Variants in SLC2A13 observed in about 807,000 individuals in gnomAD.
SLC2A13 encodes proton myo-inositol cotransporter.
In SLC2A13, 32 loss-of-function variants were observed where a neutral mutation model predicts 64.4. The observed-to-expected ratio is 0.50, with a 90% confidence interval of 0.37 to 0.67. The LOEUF (loss-of-function observed/expected upper bound fraction) is 0.67, where lower values mean the gene tolerates loss of function less well. SLC2A13 is among the 30% of genes least tolerant of loss of function. SLC2A13 has a pLI of 0.00. For missense variants in SLC2A13, 743 were observed against 829.2 expected (o/e 0.90, Z 1.28); for synonymous variants, 338 against 327.1 (o/e 1.03, Z -0.36).
chr12:39,917,163 C>T lies in SLC2A13; in HGVS notation c.1034+34094G>A, dbSNP rs557846240. 1.1e-4 allele frequency among the ~76,000 whole-genome samples: 17 copies of T among 152,114 alleles called. No individual in the cohort carries two copies. The South Asian group carries it at 2.9e-3, about 26-fold the overall frequency. On this transcript the variant is annotated intron_variant, in intron 4 of 9. Coordinates refer to ENST00000280871, the MANE Select transcript of SLC2A13 (RefSeq NM_052885.4). ...TAAAATTCAAATTTGATAAGGACTG[C>T]AGAGAAGCATTTGGAGCTTTGAGCA...
intron 6 of SLC2A13, among the ~76,000 whole-genome samples, chr12:39,848,689 G>A (rs191704526): frequency 3.3e-5 from 5 of 152,176 alleles, no homozygotes; most frequent in Non-Finnish European, 7.4e-5. Context: ...GCAGAGGAAT[G>A]TAAAGCATTC....
chr12:39,819,923 C>T (rs2135823616), intron 7 of SLC2A13: 1 of 152,634 alleles, frequency 6.6e-6, no homozygotes, highest in East Asian at 1.9e-4. Flanking sequence ...TGTCAAATTT[C>T]AATCCTATAA....
At chr12:40,069,925 T>C (rs1937888757) in intron 1 of SLC2A13, among the ~76,000 whole-genome samples, 1 of 152,176 alleles carries the variant, frequency 6.6e-6, no homozygotes. Flanking sequence ...CTATTTGTCA[T>C]TGTTACAAAA....
rs969126164 is a variant in SLC2A13, at chr12:39,906,881, T to C, written c.1035-34920A>G. On this transcript the variant is annotated intron_variant, in intron 4 of 9. Coordinates refer to ENST00000280871, the MANE Select transcript of SLC2A13 (RefSeq NM_052885.4). ...CAGGCAAAACAATTATGAGGGAAGA[T>C]AAAGTAAAAAAACTTTGTTTTGCAA... Among the ~76,000 whole-genome samples the C allele has an allele frequency of 4.6e-5, 7 of 152,168 alleles. No homozygotes were observed. The East Asian group carries it at 1.4e-3, about 29-fold the overall frequency.
At chr12:39,765,683 C>T (rs979601965) in intron 7 of SLC2A13, among the ~76,000 whole-genome samples, 1 of 152,038 alleles carries the variant, frequency 6.6e-6, no homozygotes, top group Admixed American at 6.6e-5. Context: ...CCTCTCATCC[C>T]CTGCCACATT....
chr12:40,036,426 G>A (rs368864226), intron 2 of SLC2A13, among the ~76,000 whole-genome samples: 23 of 152,166 alleles, frequency 1.5e-4, no homozygotes, highest in African/African-American at 5.5e-4. Flanking sequence ...AATCAAGAAA[G>A]AGAACATTTC....
chr12:40,081,790 T>C (rs1938411877), intron 1 of SLC2A13, among the ~76,000 whole-genome samples: 1 of 152,266 alleles, frequency 6.6e-6, no homozygotes, highest in Non-Finnish European at 1.5e-5. Context: ...ACTGGTTCTT[T>C]CTCATCTGTG....
At chr12:39,946,964 C>A (rs988920695) in intron 4 of SLC2A13, among the ~76,000 whole-genome samples, 1 of 152,166 alleles carries the variant, frequency 6.6e-6, no homozygotes, top group African/African-American at 2.4e-5. Context: ...TGGCCACTCT[C>A]CTGATGGATC....
At chr12:39,995,685 AC>A (rs1221429330) in intron 3 of SLC2A13, among the ~76,000 whole-genome samples, 1 of 152,160 alleles carries the variant, frequency 6.6e-6, no homozygotes, top group Non-Finnish European at 1.5e-5. Context: ...CTGTGTCCCC[AC>A]CCAAATCTCA....
chr12:40,041,530 T>TA (rs999256922), intron 2 of SLC2A13, among the ~76,000 whole-genome samples: 100 of 152,294 alleles, frequency 6.6e-4, no homozygotes, highest in African/African-American at 2.3e-3. Context: ...TTCAACAGAC[T>TA]AAAAAAAGTC....
chr12:40,090,310 A>T (rs939115133), intron 1 of SLC2A13, among the ~76,000 whole-genome samples: 2 of 152,194 alleles, frequency 1.3e-5, no homozygotes, highest in African/African-American at 4.8e-5. Flanking sequence ...ATGTTTATTC[A>T]TCTTAATTCC....
chr12:39,889,475 T>C (rs185337047), intron 4 of SLC2A13, among the ~76,000 whole-genome samples: 1 of 151,918 alleles, frequency 6.6e-6, no homozygotes, highest in East Asian at 1.9e-4. Context: ...AGTCATATAC[T>C]ATTATACAGA....
At chr12:39,994,485 G>A (rs1325473986) in intron 3 of SLC2A13, among the ~76,000 whole-genome samples, 20 of 151,014 alleles carry the variant, frequency 1.3e-4, no homozygotes, top group African/African-American at 4.9e-4. Flanking sequence ...GATAGAAAAA[G>A]GGAAAAAAAA....
At chr12:39,795,727 G>A (rs899456641) in intron 7 of SLC2A13, among the ~76,000 whole-genome samples, 5 of 152,094 alleles carry the variant, frequency 3.3e-5, no homozygotes, top group South Asian at 2.1e-4. Flanking sequence ...TTATGGGCAC[G>A]GGAAACATAA....
At chr12:39,956,449 A>T (rs536625363) in intron 3 of SLC2A13, among the ~76,000 whole-genome samples, 1 of 152,308 alleles carries the variant, frequency 6.6e-6, no homozygotes, top group East Asian at 1.9e-4. Context: ...ATTGTATGTA[A>T]ATTATTCCTC....
intron 4 of SLC2A13, among the ~76,000 whole-genome samples, chr12:39,895,426 C>A (rs530281251): frequency 7.1e-6 from 1 of 140,574 alleles, no homozygotes; most frequent in Admixed American, 7.4e-5. Context: ...GGAGGTGGAG[C>A]TTGCAGTGAG....
chr12:40,097,709 CAAAAG>C (rs1413703829), intron 1 of SLC2A13, among the ~76,000 whole-genome samples: 8 of 152,040 alleles, frequency 5.3e-5, no homozygotes, highest in African/African-American at 1.9e-4. Context: ...TGGCCACTGT[CAAAAG>C]AAAAGAAAAC....
At chr12:39,923,723 C>CACACACACACACACAT (rs1344836734) in intron 4 of SLC2A13, among the ~76,000 whole-genome samples, 1 of 148,884 alleles carries the variant, frequency 6.7e-6, no homozygotes, top group South Asian at 2.1e-4. Context: ...CACACACACA[C>CACACACACACACACAT]ATATATTTTA....
chr12:39,989,789 A>ATT (rs1947100515), intron 3 of SLC2A13, among the ~76,000 whole-genome samples: 1 of 152,236 alleles, frequency 6.6e-6, no homozygotes, highest in Non-Finnish European at 1.5e-5. Flanking sequence ...CAGTAAAGAA[A>ATT]TTAATCCCCA....
Sources: gnomAD v4.1 joint callset for allele counts (sites outside exome capture counted in the v4.1 genomes callset) on GRCh38, gnomAD v4.1.1 for gene constraint, MANE v1.5 for transcripts, NCBI Gene and HGNC (gene_info 2026-07-23, HGNC 2026-07-21) for gene names.